Variants in SLC38A7 observed in about 807,000 individuals in gnomAD.
SLC38A7 encodes the protein solute carrier family 38 member 7, also known as sodium-coupled neutral amino acid transporter 7.
Under a neutral mutation model 50.1 loss-of-function variants are expected in SLC38A7, and 29 were observed. That is an observed-to-expected ratio of 0.58 (90% CI 0.43 to 0.79). SLC38A7 has a LOEUF of 0.79. SLC38A7 is among the 30% of genes least tolerant of loss of function. The pLI is 0.00. For missense variants in SLC38A7, 483 were observed against 610.6 expected, an observed-to-expected ratio of 0.79 and a Z score of 2.20; for synonymous variants, 244 against 245.9, an observed-to-expected ratio of 0.99 and a Z score of 0.07.
chr16:58,675,981 G>A lies in SLC38A7; in HGVS notation c.842C>T (p.Thr281Ile). Residue 281 changes from threonine to isoleucine, a missense_variant, in exon 8 of 12, where the codon ACA (threonine) becomes ATA (isoleucine). By Grantham distance (89) the Thr-to-Ile change is moderately conservative (BLOSUM62 -1). Transcript: ENST00000219320. ...PEVKTWGGVV[T>I]AAMVIALAVY... ...AGCGAGGGCTATGACCATGGCAGCT[G>A]TCACCACTCCACCCCAGGTCTTCAC... The A allele has an allele frequency of 6.2e-7, 1 of 1,613,674 alleles. No homozygotes were observed. The highest frequency in any genetic ancestry group is 8.5e-7 in the Non-Finnish European group (1 of 1,179,860).
intron 11 of SLC38A7, among the ~76,000 whole-genome samples, chr16:58,669,050 G>C (rs1255957428): frequency 7.2e-6 from 1 of 139,548 alleles, no homozygotes; most frequent in Non-Finnish European, 1.5e-5. Context: ...GATTACAGGC[G>C]TGAGTCACTG....
intron 11 of SLC38A7, among the ~76,000 whole-genome samples, chr16:58,669,122 TTTTTTTTTTTG>T: frequency 7.5e-6 from 1 of 133,102 alleles, no homozygotes; most frequent in East Asian, 2.2e-4. Flanking sequence ...TTTTTTTTTT[TTTTTTTTTTTG>T]AGACAGAGTT....
intron 11 of SLC38A7, among the ~76,000 whole-genome samples, chr16:58,667,715 A>G (rs1469627993): frequency 6.6e-6 from 1 of 152,178 alleles, no homozygotes; most frequent in Non-Finnish European, 1.5e-5. Flanking sequence ...TGTTCACATC[A>G]TGCCACGATT....
rs1024459596 is a variant in SLC38A7, at chr16:58,677,548, C to T, written c.612-124G>A. 4 of 784,520 alleles carry T rather than the reference C, an allele frequency of 5.1e-6. No homozygotes were observed. The East Asian group carries it at 1.1e-4, about 21-fold the overall frequency. 48.6% of individuals were successfully genotyped at this position (784,520 alleles called of 1,614,324 possible). On this transcript the variant is annotated intron_variant, in intron 5 of 11. Transcript: ENST00000219320. ...TCCACTGAATGAACCGGAGACTATG[C>T]CAAGCAGACTCAGGAAACGCCTGAG...
chr16:58,674,910 G>T (rs994765463), intron 8 of SLC38A7, among the ~76,000 whole-genome samples: 2 of 151,744 alleles, frequency 1.3e-5, no homozygotes, highest in African/African-American at 2.4e-5. Flanking sequence ...ACCTTTCCCC[G>T]AACCACCCCC....
At position 58,678,753 on chromosome 16, in the gene SLC38A7, A is replaced by G. The variant is rs376952907; in HGVS notation, c.412T>C (p.Tyr138His). The stretch of plus-strand genomic sequence containing the variant: ...AAGGCAATGCAGGTGCCAAAGGTGT[A>G]GACAGCGATGGCCACCTCACATAGC... ...GVLCEVAIAV[Y>H]TFGTCIAFLI... The change falls in exon 4 of 12, where the codon TAC becomes CAC. Residue 138 changes from tyrosine (Y) to histidine (H), a missense_variant. Physicochemically the swap from Tyr to His is moderately conservative, Grantham distance 83. Transcript: ENST00000219320. The surrounding 1 kb of genome is among the most constrained non-coding windows in gnomAD (Gnocchi z 4.0). The G allele has an allele frequency of 2.4e-5, 39 of 1,614,218 alleles. No homozygotes were observed. The African/African-American group carries it at 4.9e-4, about 20-fold the overall frequency.
chr16:58,679,657 C>A, intron 3 of SLC38A7, 200 bp downstream of exon 3: 1 of 611,392 alleles, frequency 1.6e-6, no homozygotes, highest in Non-Finnish European at 2.7e-6. Flanking sequence ...GTTCAAATTT[C>A]TCTGATTGTT....
chr16:58,678,973 G>A lies in SLC38A7; in HGVS notation c.271-79C>T, dbSNP rs2152082389. ...ACCCTGGGCTCGCCTAGCATTTACT[G>A]GGCCAGTGCCCAAAGCAAGCTTGGC... On this transcript the variant is annotated intron_variant, in intron 3 of 11. Coordinates refer to ENST00000219320, the MANE Select transcript of SLC38A7 (RefSeq NM_018231.3). This position sits in a 1 kb window ranked among gnomAD's most constrained non-coding sequence, Gnocchi z 4.0. The A allele has an allele frequency of 2.1e-6, 3 of 1,415,132 alleles. No homozygotes were observed. Among genetic ancestry groups the A allele is most frequent in the South Asian group, 2.4e-5 (2 of 83,202 alleles). 87.7% of individuals were successfully genotyped at this position (1,415,132 alleles called of 1,614,324 possible). A position where few individuals can be genotyped will look rare whatever the true frequency, so the allele number is the denominator to read the frequency against.
intron 8 of SLC38A7, among the ~76,000 whole-genome samples, chr16:58,672,784 C>T (rs143937590): frequency 2.0e-3 from 297 of 152,194 alleles, no homozygotes; most frequent in African/African-American, 6.6e-3. Context: ...GTAGCTAGGA[C>T]TACAGGCAGA....
Position 58,671,123 on chromosome 16 carries a change from C to T in SLC38A7, c.1153G>A (p.Ala385Thr). ...LVWFLLTLLL[A>T]LFIPDIGKVI... ...TTGCCGATGTCAGGGATGAAGAGCG[C>T]CAGCAGCAGGGTGAGCAGGAACCAG... The change falls in exon 10 of 12, where the codon GCG becomes ACG. Residue 385 changes from alanine (A) to threonine (T), a missense_variant. Physicochemically the swap from Ala to Thr is moderately conservative, Grantham distance 58. Coordinates refer to ENST00000219320, the MANE Select transcript of SLC38A7 (RefSeq NM_018231.3). 6.2e-7 allele frequency: 1 copy of T among 1,613,950 alleles called. No homozygotes were observed. Among genetic ancestry groups the T allele is most frequent in the Non-Finnish European group, 8.5e-7 (1 of 1,179,942 alleles).
intron 6 of SLC38A7, 128 bp from the exon 7 acceptor site, chr16:58,676,474 GA>G (rs2044269738): frequency 1.1e-6 from 1 of 939,134 alleles, no homozygotes; most frequent in African/African-American, 1.6e-5. Context: ...TCAACCCACA[GA>G]AGTCTGGGAA....
intron 6 of SLC38A7, among the ~76,000 whole-genome samples, chr16:58,676,616 C>T (rs1419385133): frequency 1.3e-5 from 2 of 152,170 alleles, no homozygotes; most frequent in Non-Finnish European, 2.9e-5. Context: ...CTGGTTTGTT[C>T]CTTTCAAAAG....
intron 6 of SLC38A7, among the ~76,000 whole-genome samples, chr16:58,676,752 C>T (rs572476490): frequency 2.6e-5 from 4 of 152,102 alleles, no homozygotes; most frequent in African/African-American, 9.7e-5. Context: ...CCCAGGTTCA[C>T]GCCATTCTCC....
At chr16:58,671,341 G>A (rs1034458141) in intron 9 of SLC38A7, 97 bp from the exon 10 acceptor site, 84 of 1,249,838 alleles carry the variant, frequency 6.7e-5, no homozygotes, top group Non-Finnish European at 8.7e-5. Context: ...TAGACTGCGG[G>A]GAAAGCCCCA....
chr16:58,676,524 G>C (rs1157016755), intron 6 of SLC38A7, among the ~76,000 whole-genome samples, 178 bp from the exon 7 acceptor site: 1 of 152,260 alleles, frequency 6.6e-6, no homozygotes, highest in East Asian at 1.9e-4. Flanking sequence ...GGGCCCTCTG[G>C]GATGGGGCCT....
Position 58,678,258 on chromosome 16 carries a change from G to A in SLC38A7, c.611+75C>T. 7.0e-7 allele frequency: 1 copy of A among 1,438,274 alleles called. No individual in the cohort carries two copies. Among genetic ancestry groups the A allele is most frequent in the African/African-American group, 1.4e-5 (1 of 70,310 alleles). The allele number at this position is 1,438,274 out of a possible 1,614,324, so 89.1% of individuals were successfully genotyped here. On this transcript the variant is annotated intron_variant, in intron 5 of 11. Coordinates refer to ENST00000219320, the MANE Select transcript of SLC38A7 (RefSeq NM_018231.3). The surrounding 1 kb of genome is among the most constrained non-coding windows in gnomAD (Gnocchi z 4.0). ...AGGTGAGGTGGCATGGAGGAGCAGG[G>A]TTCCCCAGGAGCCCTTGGGTCTACA...
Position 58,665,578 on chromosome 16 carries a change from C to G in SLC38A7, c.*1807G>C, listed in dbSNP as rs80327081. ...GGACTGCCCTGAGTGGCGGGCGGCTCGGCAGGGGGTCCCTCTCGTACCCTT... is the reference window on the plus strand; with the variant it reads ...GGACTGCCCTGAGTGGCGGGCGGCTGGGCAGGGGGTCCCTCTCGTACCCTT... On this transcript the variant is annotated 3_prime_UTR_variant, in exon 12 of 12. Transcript: ENST00000219320. 0.2 allele frequency: 29,983 copies of G among 152,420 alleles called. 3,984 individuals carry two copies. The highest frequency in any genetic ancestry group is 0.38 in the African/African-American group (15,612 of 41,454). The allele number at this position is 152,420 out of a possible 1,614,324, so 9.4% of individuals were successfully genotyped here.
intron 2 of SLC38A7, chr16:58,683,526 A>T (rs1372563642): frequency 6.6e-6 from 1 of 152,230 alleles, no homozygotes; most frequent in East Asian, 1.9e-4. Flanking sequence ...CCTCTTACAC[A>T]TCCTGTCACC....
At chr16:58,676,944 G>A (rs1322541276) in intron 6 of SLC38A7, among the ~76,000 whole-genome samples, 1 of 151,700 alleles carries the variant, frequency 6.6e-6, no homozygotes, top group Non-Finnish European at 1.5e-5. Context: ...GTGAGCCATT[G>A]TGCCTGGCCC....
Sources: allele counts gnomAD v4.1 joint callset (sites outside exome capture counted in the v4.1 genomes callset), GRCh38; gene constraint gnomAD v4.1.1; non-coding constraint Gnocchi (gnomAD v3.1); transcripts MANE v1.5; gene names NCBI Gene and HGNC (gene_info 2026-07-23, HGNC 2026-07-21).